USH2A: variants seen among roughly 807,000 people sequenced by gnomAD.
USH2A encodes usherin, also known as Usher syndrome 2A (autosomal recessive, mild).
USH2A carries 443 observed loss-of-function variants against 538.9 expected under a neutral mutation model. The observed-to-expected ratio is 0.82, with a 90% CI of 0.76 to 0.89. The LOEUF (loss-of-function observed/expected upper bound fraction) is 0.89, where lower values mean the gene tolerates loss of function less well. USH2A is among the 40% of genes least tolerant of loss of function. The pLI is 0.00. For missense variants in USH2A, 6,633 were observed against 6,324.8 expected (o/e 1.05, Z -1.65); for synonymous variants, 2,413 against 2,273.5 (o/e 1.06, Z -1.75).
intron 35 of USH2A, among the ~76,000 whole-genome samples, chr1:215,989,458 G>A (rs1667954379): frequency 6.6e-6 from 1 of 152,092 alleles, no homozygotes; most frequent in Non-Finnish European, 1.5e-5. Context: ...TTTCCCCGAG[G>A]ACTCTGATAT....
chr1:216,152,677 G>T (rs898666139), intron 21 of USH2A, among the ~76,000 whole-genome samples: 1 of 152,092 alleles, frequency 6.6e-6, no homozygotes, highest in Admixed American at 6.5e-5. Context: ...CTCTTCACAC[G>T]GACACGCATG....
chr1:215,666,876 G>T lies in USH2A; in HGVS notation c.14133+4096C>A, dbSNP rs1327901388. Among the ~76,000 whole-genome samples, 3 of 152,192 alleles carry T rather than the reference G, an allele frequency of 2.0e-5. No homozygotes were observed. In the East Asian group the frequency reaches 5.8e-4, roughly 29 times the overall value. ...GGAGGCTGAGGCGGGTGGATCATGA[G>T]GTCAGGAGATTGAGACCATCCTGGC... On this transcript the variant is annotated intron_variant, in intron 64 of 71. Transcript: ENST00000307340.
At chr1:216,171,853 G>A (rs992034794) in intron 21 of USH2A, among the ~76,000 whole-genome samples, 9 of 152,062 alleles carry the variant, frequency 5.9e-5, no homozygotes, top group Non-Finnish European at 1.0e-4. Context: ...AATCTTCTTC[G>A]AAGTCCTCAT....
chr1:216,147,408 T>A (rs2102616637), intron 21 of USH2A, among the ~76,000 whole-genome samples: 1 of 152,264 alleles, frequency 6.6e-6, no homozygotes, highest in East Asian at 1.9e-4. Context: ...AAAGGCATAG[T>A]CAAGGTTAAT....
At chr1:216,394,817 C>T (rs1001847678) in intron 3 of USH2A, among the ~76,000 whole-genome samples, 1 of 150,620 alleles carries the variant, frequency 6.6e-6, no homozygotes, top group African/African-American at 2.4e-5. Flanking sequence ...CTCCCGGGTT[C>T]ACGCCATTCT....
chr1:215,954,333 G>T lies in USH2A; in HGVS notation c.7120+10984C>A, dbSNP rs533511341. Among the ~76,000 whole-genome samples the T allele has an allele frequency of 2.0e-5, 3 of 152,220 alleles. No homozygotes were observed. The South Asian group carries it at 6.2e-4, about 32-fold the overall frequency. ...CCAACCCAAATGTCCAACAATGATA[G>T]ACTGGATTAAGAAAGTGTGGCACAA... On this transcript the variant is annotated intron_variant, in intron 37 of 71. Transcript: ENST00000307340.
chr1:216,068,734 A>T (rs1478097065), intron 30 of USH2A, among the ~76,000 whole-genome samples: 1 of 152,192 alleles, frequency 6.6e-6, no homozygotes, highest in Non-Finnish European at 1.5e-5. Context: ...AAAAGCGTGA[A>T]AATTAAAAAT....
intron 32 of USH2A, among the ~76,000 whole-genome samples, chr1:216,025,206 A>C (rs567581774): frequency 1.3e-4 from 20 of 151,962 alleles, no homozygotes; most frequent in Non-Finnish European, 2.7e-4. Context: ...GTATTAATAA[A>C]ATATAAATTC....
intron 37 of USH2A, among the ~76,000 whole-genome samples, chr1:215,940,418 T>C (rs1666605040): frequency 6.6e-6 from 1 of 152,114 alleles, no homozygotes; most frequent in Admixed American, 6.6e-5. Context: ...TTAAGTTACA[T>C]TTATTTATTC....
chr1:215,674,592 A>G lies in USH2A; in HGVS notation c.13319T>C (p.Met4440Thr), dbSNP rs1657937128. ...GTCCATGTTCTCTGGCAGGGCCTCC[A>G]TTGTCCAGGCAGATTTTGACACACT... is the stretch of plus-strand genomic sequence containing the variant. The part of the protein sequence containing the change: ...TASVSKSAWT[M>T]EALPENMDSP... Residue 4440 changes from methionine to threonine, a missense_variant, in exon 63 of 72, where the codon ATG becomes ACG. By Grantham distance (81) the Met-to-Thr change is moderately conservative. Coordinates refer to ENST00000307340, the MANE Select transcript of USH2A (RefSeq NM_206933.4). The G allele has an allele frequency of 3.1e-6, 5 of 1,614,032 alleles. No individual in the cohort carries two copies. Among genetic ancestry groups the G allele is most frequent in the African/African-American group, 1.3e-5 (1 of 74,914 alleles).
chr1:215,665,972 G>C (rs761948054), intron 64 of USH2A, among the ~76,000 whole-genome samples: 30 of 152,236 alleles, frequency 2.0e-4, no homozygotes, highest in Non-Finnish European at 4.4e-5. Flanking sequence ...CACAGAGAAT[G>C]TTTGCTTTCT....
intron 63 of USH2A, among the ~76,000 whole-genome samples, chr1:215,672,803 G>A (rs1304019607): frequency 6.6e-6 from 1 of 152,196 alleles, no homozygotes; most frequent in African/African-American, 2.4e-5. Context: ...GCCACTTACA[G>A]ATTCAGTTAG....
intron 40 of USH2A, among the ~76,000 whole-genome samples, chr1:215,893,633 T>G (rs1466568913): frequency 6.6e-6 from 1 of 151,998 alleles, no homozygotes; most frequent in Non-Finnish European, 1.5e-5. Flanking sequence ...TTTCATTAAT[T>G]TCTTAAAGTA....
intron 3 of USH2A, among the ~76,000 whole-genome samples, chr1:216,404,055 A>G (rs997553284): frequency 6.6e-6 from 1 of 152,156 alleles, no homozygotes; most frequent in Non-Finnish European, 1.5e-5. Context: ...TCTTTTCTTT[A>G]TAAATTACCC....
intron 61 of USH2A, among the ~76,000 whole-genome samples, chr1:215,687,051 C>T (rs966775978): frequency 2.0e-5 from 3 of 152,064 alleles, no homozygotes; most frequent in Non-Finnish European, 4.4e-5. Flanking sequence ...GAACCCTCTA[C>T]ACCCTTGTCC....
chr1:216,382,223 G>T (rs947483901), intron 3 of USH2A, among the ~76,000 whole-genome samples: 2 of 152,142 alleles, frequency 1.3e-5, no homozygotes, highest in South Asian at 4.1e-4. Context: ...TGAGTAAATT[G>T]CGATAATTTC....
chr1:215,906,540 C>T (rs931222339), intron 38 of USH2A, among the ~76,000 whole-genome samples: 1 of 151,880 alleles, frequency 6.6e-6, no homozygotes, highest in Non-Finnish European at 1.5e-5. Flanking sequence ...TATAGAATAA[C>T]TATTAAATAT....
chr1:216,394,618 GAAT>G (rs1295851707), intron 3 of USH2A, among the ~76,000 whole-genome samples: 1 of 151,534 alleles, frequency 6.6e-6, no homozygotes, highest in Non-Finnish European at 1.5e-5. Context: ...TCACAGGAAT[GAAT>G]AATAAACAGA....
At chr1:215,903,794 A>G (rs982047025) in intron 38 of USH2A, among the ~76,000 whole-genome samples, 3 of 152,128 alleles carry the variant, frequency 2.0e-5, no homozygotes, top group African/African-American at 7.2e-5. Flanking sequence ...GCTTGAAGAA[A>G]GAGGAAATGA....
Sources: allele counts gnomAD v4.1 joint callset (sites outside exome capture counted in the v4.1 genomes callset), GRCh38; gene constraint gnomAD v4.1.1; transcripts MANE v1.5; gene names NCBI Gene and HGNC (gene_info 2026-07-23, HGNC 2026-07-21).